Variants in EYS observed in about 807,000 individuals in gnomAD.
EYS encodes EGF-like photoreceptor maintenance factor, also known as protein eyes shut homolog.
A neutral mutation model predicts 282.1 loss-of-function variants in EYS; 250 were observed. The observed-to-expected ratio is 0.89, with a 90% CI of 0.80 to 0.98. EYS has a LOEUF of 0.98. Ranked by LOEUF, EYS falls within the 50% of genes least tolerant of loss-of-function variation. The pLI, the probability that EYS is intolerant of heterozygous loss-of-function variation, is 0.00. For synonymous variants in EYS, 1,355 were observed against 1,282.9 expected, an observed-to-expected ratio of 1.06 and a Z score of -1.20; for missense variants, 4,016 against 3,709.0, an observed-to-expected ratio of 1.08 and a Z score of -2.15.
chr6:63,855,651 A>C (rs925945733), intron 36 of EYS, among the ~76,000 whole-genome samples: 1 of 152,194 alleles, frequency 6.6e-6, no homozygotes, highest in African/African-American at 2.4e-5. Flanking sequence ...CGAGGCAGAT[A>C]GGGTGTCTAC....
chr6:64,532,166 C>G (rs2150532484), intron 26 of EYS, among the ~76,000 whole-genome samples: 1 of 152,246 alleles, frequency 6.6e-6, no homozygotes, highest in South Asian at 2.1e-4. Context: ...AGTCATCACC[C>G]AGGCTACAAA....
chr6:64,177,464 T>C (rs556516376), intron 31 of EYS, among the ~76,000 whole-genome samples: 10 of 152,168 alleles, frequency 6.6e-5, no homozygotes, highest in African/African-American at 2.4e-4. Context: ...AAATTATTCT[T>C]CTAATTAGTT....
chr6:65,669,598 A>G (rs1768316401), intron 1 of EYS, among the ~76,000 whole-genome samples: 1 of 152,010 alleles, frequency 6.6e-6, no homozygotes, highest in Admixed American at 6.6e-5. Flanking sequence ...CTATACACAG[A>G]CAACTATGAT....
Position 65,145,280 on chromosome 6 carries a change from T to C in EYS, c.2024-87553A>G, listed in dbSNP as rs1201821049. Among the ~76,000 whole-genome samples, 7 of 148,492 alleles carry C rather than the reference T, an allele frequency of 4.7e-5. No individual in the cohort carries two copies. The East Asian group carries it at 9.7e-4, about 21-fold the overall frequency. On this transcript the variant is annotated intron_variant, in intron 12 of 42. Transcript: ENST00000503581. ...GAATATTATGAATTTTTTCAACATA[T>C]ATTGTTACTATTTTTTCTTTATGCC...
At chr6:64,738,258 A>C (rs560226689) in intron 22 of EYS, among the ~76,000 whole-genome samples, 1 of 152,234 alleles carries the variant, frequency 6.6e-6, no homozygotes, top group South Asian at 2.1e-4. Context: ...TACCCTCCCT[A>C]CAGTAATGAA....
intron 22 of EYS, among the ~76,000 whole-genome samples, chr6:64,743,270 T>C (rs1234104093): frequency 6.6e-6 from 1 of 152,040 alleles, no homozygotes. Flanking sequence ...TACAGAACCA[T>C]GGGGTGATTT....
chr6:64,751,002 A>G (rs1002513201), intron 22 of EYS, among the ~76,000 whole-genome samples: 45 of 151,768 alleles, frequency 3.0e-4, no homozygotes, highest in Admixed American at 1.3e-4. Flanking sequence ...CTATTCTTCT[A>G]GATTAGGAGT....
At chr6:65,265,879 C>T (rs1338746217) in intron 12 of EYS, among the ~76,000 whole-genome samples, 1 of 151,868 alleles carries the variant, frequency 6.6e-6, no homozygotes, top group Non-Finnish European at 1.5e-5. Flanking sequence ...TAACAGCACT[C>T]ACCTTAACTT....
At chr6:64,095,617 C>A (rs1490420240) in intron 31 of EYS, among the ~76,000 whole-genome samples, 1 of 151,260 alleles carries the variant, frequency 6.6e-6, no homozygotes, top group Non-Finnish European at 1.5e-5. Flanking sequence ...GTAGATCTTC[C>A]TCTGTCCCTT....
intron 5 of EYS, among the ~76,000 whole-genome samples, chr6:65,470,401 CTTA>C (rs1389420890): frequency 6.6e-6 from 1 of 151,974 alleles, no homozygotes; most frequent in African/African-American, 2.4e-5. Flanking sequence ...ATAAATAGAA[CTTA>C]TTATTATTTT....
chr6:65,394,473 C>T (rs990034055), intron 7 of EYS, among the ~76,000 whole-genome samples: 3 of 152,010 alleles, frequency 2.0e-5, no homozygotes, highest in Admixed American at 6.6e-5. Flanking sequence ...CCTGTAGCGC[C>T]GTGGACACTG....
intron 28 of EYS, among the ~76,000 whole-genome samples, chr6:64,409,669 G>A (rs975934195): frequency 3.9e-5 from 6 of 152,204 alleles, no homozygotes; most frequent in Middle Eastern, 3.4e-3. Flanking sequence ...TATTTTGGGC[G>A]CATTGGCTTG....
At chr6:64,417,132 A>G (rs1774080965) in intron 28 of EYS, among the ~76,000 whole-genome samples, 1 of 152,216 alleles carries the variant, frequency 6.6e-6, no homozygotes, top group African/African-American at 2.4e-5. Context: ...TAGAGCTTTT[A>G]TACATTACAG....
At chr6:63,794,076 C>T (rs1770582577) in intron 37 of EYS, among the ~76,000 whole-genome samples, 1 of 152,194 alleles carries the variant, frequency 6.6e-6, no homozygotes, top group Non-Finnish European at 1.5e-5. Context: ...GCCCCTCTCT[C>T]CCACCTTCAG....
chr6:63,746,859 T>C (rs1012456224), intron 41 of EYS, among the ~76,000 whole-genome samples: 1 of 152,152 alleles, frequency 6.6e-6, no homozygotes, highest in African/African-American at 2.4e-5. Flanking sequence ...CTATCTATTT[T>C]GTTAATCTTT....
rs989115879 is a variant in EYS at position 64,340,027 on chromosome 6, T to C, written c.6079-32945A>G. 2.6e-5 allele frequency among the ~76,000 whole-genome samples: 3 copies of C among 115,924 alleles called. No individual in the cohort carries two copies. In the Admixed American group the frequency reaches 2.9e-4, roughly 11 times the overall value. 76.1% of individuals were successfully genotyped at this position (115,924 alleles called of 152,430 possible). On this transcript the variant is annotated intron_variant, in intron 29 of 42. Transcript: ENST00000503581. ...CTTACTCATCTCATCAAATATCACT[T>C]GTACCCCAATAATCTATGAAAAAAA...
chr6:65,476,608 C>A (rs773037288), intron 5 of EYS, among the ~76,000 whole-genome samples: 2 of 151,362 alleles, frequency 1.3e-5, no homozygotes, highest in Non-Finnish European at 2.9e-5. Flanking sequence ...GACAAAGTCT[C>A]GCTCTGTCAC....
At chr6:65,487,000 C>T (rs752529566) in intron 5 of EYS, among the ~76,000 whole-genome samples, 4 of 146,962 alleles carry the variant, frequency 2.7e-5, no homozygotes, top group Admixed American at 7.0e-5. Context: ...TATAGGAATG[C>T]TTGTGATTTT....
intron 13 of EYS, among the ~76,000 whole-genome samples, chr6:65,049,490 T>C (rs1231445803): frequency 1.3e-5 from 2 of 151,776 alleles, no homozygotes; most frequent in African/African-American, 4.8e-5. Context: ...TTGACACATT[T>C]GAATAGATTT....
Sources: allele counts gnomAD v4.1 joint callset (sites outside exome capture counted in the v4.1 genomes callset), GRCh38; gene constraint gnomAD v4.1.1; transcripts MANE v1.5; gene names NCBI Gene and HGNC (gene_info 2026-07-23, HGNC 2026-07-21).